ASAP2: variants seen among roughly 807,000 people sequenced by gnomAD.
ASAP2 encodes ArfGAP with SH3 domain, ankyrin repeat and PH domain 2.
In ASAP2, 45 loss-of-function variants were observed where a neutral mutation model predicts 131.4. That is an observed-to-expected ratio of 0.34 (90% confidence interval 0.27 to 0.44). The LOEUF (loss-of-function observed/expected upper bound fraction) is 0.44, where lower values mean the gene tolerates loss of function less well. ASAP2 is among the 20% of genes least tolerant of loss of function. ASAP2 has a pLI of 1.00. For synonymous variants in ASAP2, 510 were observed against 503.0 expected, an observed-to-expected ratio of 1.01 and a Z score of -0.19; for missense variants, 1,011 against 1,297.0, an observed-to-expected ratio of 0.78 and a Z score of 3.39.
At chr2:9,321,791 A>G (rs1670164977) in intron 5 of ASAP2, among the ~76,000 whole-genome samples, 3 of 152,168 alleles carry the variant, frequency 2.0e-5, no homozygotes, top group South Asian at 2.1e-4. Flanking sequence ...CGAGACACAC[A>G]TGGGTAGGAT....
chr2:9,266,247 A>G (rs925859282), intron 1 of ASAP2, among the ~76,000 whole-genome samples: 8 of 150,546 alleles, frequency 5.3e-5, no homozygotes, highest in African/African-American at 2.0e-4. Context: ...CCCAGACTCA[A>G]GTGATCCTCC....
intron 1 of ASAP2, chr2:9,271,623 G>A: frequency 9.6e-7 from 1 of 1,045,230 alleles, no homozygotes; most frequent in Non-Finnish European, 1.4e-6. Context: ...TCTGGATAGT[G>A]GACATACGAT....
intron 1 of ASAP2, among the ~76,000 whole-genome samples, chr2:9,208,031 T>C (rs1350654093): frequency 1.3e-5 from 2 of 152,074 alleles, no homozygotes; most frequent in African/African-American, 4.8e-5. Context: ...TGGTTGAAAA[T>C]TAAAGCCGTG....
chr2:9,329,739 A>G (rs1670709913), intron 7 of ASAP2, among the ~76,000 whole-genome samples: 2 of 152,192 alleles, frequency 1.3e-5, no homozygotes, highest in Non-Finnish European at 2.9e-5. Context: ...TGGAATTGCC[A>G]TGCCTGTCTG....
chr2:9,287,781 G>T (rs754949147), intron 2 of ASAP2, among the ~76,000 whole-genome samples: 11 of 98,596 alleles, frequency 1.1e-4, no homozygotes, highest in Non-Finnish European at 3.0e-4. Flanking sequence ...CCTTCTCCCC[G>T]CTGCTGGCTA....
At chr2:9,354,339 C>T (rs13405277) in intron 12 of ASAP2, among the ~76,000 whole-genome samples, 72 of 152,350 alleles carry the variant, frequency 4.7e-4, no homozygotes, top group African/African-American at 1.7e-3. Flanking sequence ...TCTCCTCCTG[C>T]TCTTCTCCCT....
At chr2:9,399,857 C>T (rs575336644) in intron 24 of ASAP2, 166 bp from the exon 25 acceptor site, 31 of 674,006 alleles carry the variant, frequency 4.6e-5, no homozygotes, top group Non-Finnish European at 7.4e-5. Context: ...TCCTCAGGGC[C>T]TCTCATTCTT....
rs535730524 is a variant in ASAP2, at chr2:9,273,090, A to G, written c.127-6227A>G. On this transcript the variant is annotated intron_variant, in intron 1 of 27. Coordinates refer to ENST00000281419, the MANE Select transcript of ASAP2 (RefSeq NM_003887.3). ...TTTTTCTATTTCTGTGAAGAAAAGC[A>G]TTGGTATTTTGATAGAGATTGCATT... 3.3e-5 allele frequency among the ~76,000 whole-genome samples: 5 copies of G among 152,172 alleles called. No individual in the cohort carries two copies. The East Asian group carries it at 5.8e-4, about 18-fold the overall frequency.
At chr2:9,354,122 C>T (rs996636838) in intron 12 of ASAP2, among the ~76,000 whole-genome samples, 1 of 152,178 alleles carries the variant, frequency 6.6e-6, no homozygotes, top group East Asian at 1.9e-4. Context: ...CCATTATCCG[C>T]GAACCCCATA....
intron 1 of ASAP2, among the ~76,000 whole-genome samples, chr2:9,210,479 A>C (rs1309799672): frequency 6.6e-6 from 1 of 152,090 alleles, no homozygotes; most frequent in African/African-American, 2.4e-5. Flanking sequence ...TGGGATTTAC[A>C]TGGGGGGAAG....
chr2:9,256,524 G>C (rs1324541748), intron 1 of ASAP2, among the ~76,000 whole-genome samples: 1 of 152,192 alleles, frequency 6.6e-6, no homozygotes, highest in South Asian at 2.1e-4. Context: ...GTTGTTAGTG[G>C]TAGAGAGTTG....
Position 9,231,014 on chromosome 2 carries a change from C to T in ASAP2, c.126+23784C>T, listed in dbSNP as rs142960664. Reference sequence around the variant, plus strand: ...AGCACAAACCCCTGCCTGTTTCTGGCGGGGAGATGCTGCCCAGGCTCGGCT... The same window carrying T: ...AGCACAAACCCCTGCCTGTTTCTGGTGGGGAGATGCTGCCCAGGCTCGGCT... On this transcript the variant is annotated intron_variant, in intron 1 of 27. Coordinates refer to ENST00000281419, the MANE Select transcript of ASAP2 (RefSeq NM_003887.3). 9.7e-4 allele frequency among the ~76,000 whole-genome samples: 147 copies of T among 152,288 alleles called. 1 individual carries two copies. Among genetic ancestry groups the T allele is most frequent in the Admixed American group, 3.8e-3 (58 of 15,306 alleles).
intron 10 of ASAP2, 22 bp downstream of exon 10, chr2:9,344,657 G>C (rs1671838235): frequency 1.2e-6 from 2 of 1,613,152 alleles, no homozygotes; most frequent in Non-Finnish European, 1.7e-6. Context: ...GGTGTGGCTA[G>C]AGTTTAAATG....
rs1265265594 is a variant in ASAP2, at chr2:9,304,951, C to T, written c.345+7506C>T. Among the ~76,000 whole-genome samples the T allele has an allele frequency of 6.0e-3, 391 of 65,492 alleles. 4 individuals carry two copies. Among genetic ancestry groups the T allele is most frequent in the African/African-American group, 0.022 (367 of 16,452 alleles). The allele number at this position is 65,492 out of a possible 152,430, so 43.0% of individuals were successfully genotyped here. A position where few individuals can be genotyped will look rare whatever the true frequency, so the allele number is the denominator to read the frequency against. ...TGGAGTAGTGAGGTATAGATATTGG[C>T]GGAGGGGGTTGTAATAGTGGGGTAT... On this transcript the variant is annotated intron_variant, in intron 3 of 27. Transcript: ENST00000281419.
intron 1 of ASAP2, among the ~76,000 whole-genome samples, chr2:9,251,908 G>C (rs565774463): frequency 6.6e-6 from 1 of 152,100 alleles, no homozygotes; most frequent in East Asian, 1.9e-4. Flanking sequence ...AGAAGCCTGT[G>C]CCCACATTGC....
chr2:9,261,027 C>T (rs540404402), intron 1 of ASAP2, among the ~76,000 whole-genome samples: 46 of 152,068 alleles, frequency 3.0e-4, no homozygotes, highest in East Asian at 1.9e-4. Context: ...TGCTGGGAGC[C>T]GTATGACAGC....
chr2:9,343,322 G>A (rs1671718604), intron 9 of ASAP2, among the ~76,000 whole-genome samples: 1 of 152,198 alleles, frequency 6.6e-6, no homozygotes, highest in Non-Finnish European at 1.5e-5. Flanking sequence ...TGGTTGACCT[G>A]TGAACACTTG....
Position 9,368,414 on chromosome 2 carries a change from C to G in ASAP2, c.1462-11C>G. 1 of 1,612,464 alleles carries G rather than the reference C, an allele frequency of 6.2e-7. No homozygotes were observed. Among genetic ancestry groups the G allele is most frequent in the Non-Finnish European group, 8.5e-7 (1 of 1,178,544 alleles). ...AATTGAGTATCCTGAAATAGACTTT[C>G]ATTTTTGCAGCTCGCCAAGAATATT... is the stretch of plus-strand genomic sequence containing the variant. On this transcript the variant is annotated splice_polypyrimidine_tract_variant and intron_variant, in intron 15 of 27. Transcript: ENST00000281419.
At chr2:9,382,969 A>G (rs1287928963) in intron 20 of ASAP2, among the ~76,000 whole-genome samples, 1 of 152,210 alleles carries the variant, frequency 6.6e-6, no homozygotes, top group East Asian at 1.9e-4. Context: ...GTGTCCCCAC[A>G]AAGGCTCAGA....
Sources: allele counts gnomAD v4.1 joint callset (sites outside exome capture counted in the v4.1 genomes callset), GRCh38; gene constraint gnomAD v4.1.1; transcripts MANE v1.5; gene names NCBI Gene and HGNC (gene_info 2026-07-23, HGNC 2026-07-21).